Variants in XPA observed in about 807,000 individuals in gnomAD.
XPA encodes DNA repair protein complementing XP-A cells.
Under a neutral mutation model 35.7 loss-of-function variants are expected in XPA, and 27 were observed. That is an observed-to-expected ratio of 0.76 (90% CI 0.56 to 1.04). XPA has a LOEUF of 1.04. Among genes scored for constraint, XPA ranks in the 50% least tolerant of loss-of-function variants. XPA has a pLI of 0.00. For synonymous variants in XPA, 133 were observed against 118.4 expected (o/e 1.12, Z -0.80); for missense variants, 354 against 342.7 (o/e 1.03, Z -0.26).
rs377130468 is a variant in XPA at position 97,697,281 on chromosome 9, G to T, written c.12C>A (p.Ala4=). ...CCGCCGCCTCCGGCAAAGCCCCGTC[G>T]GCCGCCGCCATCTCTGGCCCACTCC... MAA[A]DGALPEAAAL... is the part of the protein sequence containing the mutation. The change falls in exon 1 of 6, where the codon GCC becomes GCA. Residue 4 remains alanine (A), a synonymous_variant. Coordinates refer to ENST00000375128, the MANE Select transcript of XPA (RefSeq NM_000380.4). 1.3e-6 allele frequency: 2 copies of T among 1,598,434 alleles called. No individual in the cohort carries two copies. Among genetic ancestry groups the T allele is most frequent in the African/African-American group, 2.7e-5 (2 of 74,712 alleles).
At chr9:97,669,103 A>C in the XPA span, 1 of 1,128,886 alleles carries the variant, frequency 8.9e-7, no homozygotes. Flanking sequence ...AAAATACAAA[A>C]ATTTAGGAAG....
chr9:97,684,359 G>C (rs1481263638), intron 5 of XPA, among the ~76,000 whole-genome samples: 2 of 152,200 alleles, frequency 1.3e-5, no homozygotes, highest in Non-Finnish European at 2.9e-5. Context: ...TGCATGCAAA[G>C]ACAGATGCAT....
At chr9:97,667,002 T>G in the XPA span, 3 of 687,160 alleles carry the variant, frequency 4.4e-6, no homozygotes, top group Non-Finnish European at 6.9e-6. Flanking sequence ...AGAGCAGAAA[T>G]TTTTCTGAGC....
chr9:97,681,672 C>A (rs1181825394), intron 5 of XPA, among the ~76,000 whole-genome samples: 1 of 152,162 alleles, frequency 6.6e-6, no homozygotes, highest in Admixed American at 6.6e-5. Flanking sequence ...ACGTTCTGTA[C>A]ATTTGAACCA....
the XPA span, chr9:97,668,811 A>G: frequency 6.2e-7 from 1 of 1,601,790 alleles, no homozygotes; most frequent in South Asian, 1.1e-5. Flanking sequence ...TGGAATCTAA[A>G]TGGTATTTTC....
chr9:97,694,505 C>T (rs1419659928), intron 1 of XPA, among the ~76,000 whole-genome samples: 1 of 152,192 alleles, frequency 6.6e-6, no homozygotes, highest in Non-Finnish European at 1.5e-5. Flanking sequence ...CCAAAAAGCA[C>T]ATGAAAAGGT....
intron 5 of XPA, 45 bp from the exon 6 acceptor site, chr9:97,675,632 G>A: frequency 8.7e-6 from 14 of 1,612,990 alleles, no homozygotes; most frequent in Non-Finnish European, 1.1e-5. Flanking sequence ...GTGCTATTCA[G>A]GTGAATCCAA....
the XPA span, among the ~76,000 whole-genome samples, chr9:97,659,326 A>T: frequency 6.6e-6 from 1 of 152,164 alleles, no homozygotes; most frequent in Non-Finnish European, 1.5e-5. Context: ...TGCAGATTAC[A>T]CTTAACACAG....
chr9:97,690,277 C>T (rs1052476405), intron 2 of XPA, among the ~76,000 whole-genome samples: 6 of 152,238 alleles, frequency 3.9e-5, no homozygotes, highest in Non-Finnish European at 2.9e-5. Context: ...GTGGCACGAT[C>T]TCAGCTCAGT....
chr9:97,670,135 C>A, downstream of XPA: 1 of 289,436 alleles, frequency 3.5e-6, no homozygotes. Flanking sequence ...GTTGGCCAGG[C>A]TAGTCTCAAA....
In XPA at chr9:97,687,244, T is replaced by C. The variant is rs1190907838; in HGVS notation, c.407A>G (p.His136Arg). 6.2e-7 allele frequency: 1 copy of C among 1,606,940 alleles called. No homozygotes were observed. Among genetic ancestry groups the C allele is most frequent in the African/African-American group, 1.3e-5 (1 of 74,596 alleles). Residue 136 changes from histidine to arginine, a missense_variant, in exon 4 of 6, where the codon CAC becomes CGC. Transcript: ENST00000375128. ...TGCCTCTGTTTTGGTTATAAGCTTGTGTTTATCATCAGCATCTCTGAAAAC... is the reference window on the plus strand; with the variant it reads ...TGCCTCTGTTTTGGTTATAAGCTTGCGTTTATCATCAGCATCTCTGAAAAC... ...CDNCRDADDK[H>R]KLITKTEAKQ...
At chr9:97,666,979 C>T in the XPA span, 2 of 905,402 alleles carry the variant, frequency 2.2e-6, no homozygotes, top group Non-Finnish European at 3.2e-6. Flanking sequence ...TTTTTCTGAG[C>T]CCAAATTAAT....
chr9:97,656,530 G>A, the XPA span, among the ~76,000 whole-genome samples: 2 of 152,238 alleles, frequency 1.3e-5, no homozygotes, highest in South Asian at 2.1e-4. Flanking sequence ...CAATCTGGCC[G>A]ACAGAGCGAC....
the XPA span, among the ~76,000 whole-genome samples, chr9:97,663,390 A>G: frequency 6.6e-6 from 1 of 152,224 alleles, no homozygotes; most frequent in African/African-American, 2.4e-5. Context: ...AAATTTCATA[A>G]AACAGTGAGT....
chr9:97,696,398 T>G (rs1162010046), intron 1 of XPA, among the ~76,000 whole-genome samples: 6 of 152,228 alleles, frequency 3.9e-5, no homozygotes, highest in Admixed American at 2.0e-4. Context: ...GATCAGTCCT[T>G]AATTTACTTC....
intron 1 of XPA, among the ~76,000 whole-genome samples, chr9:97,696,171 TCTCA>T (rs1829035363): frequency 6.6e-6 from 1 of 152,192 alleles, no homozygotes; most frequent in Non-Finnish European, 1.5e-5. Context: ...CTCAGACTCT[TCTCA>T]CTCTCACTAC....
chr9:97,669,922 C>T, downstream of XPA: 1 of 581,990 alleles, frequency 1.7e-6, no homozygotes, highest in Non-Finnish European at 3.1e-6. Flanking sequence ...CCAACAACCC[C>T]CCGCCCCACC....
At chr9:97,662,684 T>C in the XPA span, among the ~76,000 whole-genome samples, 1 of 152,204 alleles carries the variant, frequency 6.6e-6, no homozygotes, top group Non-Finnish European at 1.5e-5. Context: ...TTCACCATGT[T>C]TGAAGACAGT....
rs3176716 is a variant in XPA at position 97,680,615 on chromosome 9, G to C, written c.673+4308C>G. ...AAATGGCTTGGCAAAATATGTGTGT[G>C]TGAAAGAAAAAGTAAATATGGCAAA... On this transcript the variant is annotated intron_variant, in intron 5 of 5. Transcript: ENST00000375128. 1.7e-3 allele frequency among the ~76,000 whole-genome samples: 253 copies of C among 152,264 alleles called. 1 individual carries two copies. The highest frequency in any genetic ancestry group is 3.0e-3 in the Non-Finnish European group (203 of 68,032).
Sources: allele counts gnomAD v4.1 joint callset (sites outside exome capture counted in the v4.1 genomes callset), GRCh38; gene constraint gnomAD v4.1.1; transcripts MANE v1.5; gene names NCBI Gene and HGNC (gene_info 2026-07-23, HGNC 2026-07-21).